The following DDI2 variants were observed in gnomAD, a reference collection of about 807,000 sequenced individuals.
The protein encoded by DDI2 is DDI proteasomal shuttling factor 2.
In DDI2, 5 loss-of-function variants were observed where a neutral mutation model predicts 48.1. That is an observed-to-expected ratio of 0.10 (90% CI 0.05 to 0.22). The LOEUF (loss-of-function observed/expected upper bound fraction) is 0.22, where lower values mean the gene tolerates loss of function less well. Among genes scored for constraint, DDI2 ranks in the 10% least tolerant of loss-of-function variants. The pLI is 1.00. For synonymous variants in DDI2, 205 were observed against 183.6 expected, an observed-to-expected ratio of 1.12 and a Z score of -0.94; for missense variants, 285 against 506.2, an observed-to-expected ratio of 0.56 and a Z score of 4.19.
intron 4 of DDI2, chr1:15,634,242 T>C (rs940017471): frequency 6.5e-6 from 1 of 154,410 alleles, no homozygotes; most frequent in African/African-American, 2.4e-5. Flanking sequence ...ACAGTGACGC[T>C]GTTCCGGCCT....
chr1:15,632,778 G>C (rs1195404875), intron 3 of DDI2, among the ~76,000 whole-genome samples: 2 of 151,974 alleles, frequency 1.3e-5, no homozygotes, highest in Non-Finnish European at 2.9e-5. Flanking sequence ...AGGATAATGA[G>C]AACAATGAGG....
At chr1:15,617,908 G>C in intron 1 of DDI2, 100 bp downstream of exon 1, 1 of 1,378,510 alleles carries the variant, frequency 7.3e-7, no homozygotes, top group Non-Finnish European at 9.5e-7. Flanking sequence ...TGGGGGCTGG[G>C]GGGAGCAAGG....
intron 5 of DDI2, among the ~76,000 whole-genome samples, chr1:15,642,911 CA>C (rs1484642480): frequency 2.0e-5 from 3 of 152,118 alleles, no homozygotes; most frequent in Non-Finnish European, 4.4e-5. Flanking sequence ...ACTAAAAATA[CA>C]AAAAATTAGC....
intron 4 of DDI2, among the ~76,000 whole-genome samples, chr1:15,636,429 T>C (rs1426124319): frequency 2.6e-5 from 4 of 151,972 alleles, no homozygotes; most frequent in Non-Finnish European, 5.9e-5. Flanking sequence ...GTGTGAGGTT[T>C]ATTTTTTGTT....
intron 9 of DDI2, among the ~76,000 whole-genome samples, chr1:15,658,629 C>T (rs753392610): frequency 1.3e-5 from 2 of 151,654 alleles, no homozygotes; most frequent in African/African-American, 2.4e-5. Flanking sequence ...GGGTGTGTGG[C>T]GCATGCATGT....
At chr1:15,649,634 G>A (rs1157185950) in intron 6 of DDI2, 86 bp from the exon 7 acceptor site, 6 of 1,346,798 alleles carry the variant, frequency 4.5e-6, no homozygotes, top group Non-Finnish European at 6.1e-6. Flanking sequence ...TTATGCCATT[G>A]CACTCCAGCC....
Position 15,661,855 on chromosome 1 carries a change from AT to A in DDI2, c.*2073del. On this transcript the variant is annotated 3_prime_UTR_variant, in exon 10 of 10. Coordinates refer to ENST00000480945, the MANE Select transcript of DDI2 (RefSeq NM_032341.5). Reference sequence around the variant, plus strand: ...ACCTGCAAGCAGAATGTTGAGCCAGATTTTTTTTAAAGATTTTTTTCGGCCA... The same window carrying A: ...ACCTGCAAGCAGAATGTTGAGCCAGATTTTTTTAAAGATTTTTTTCGGCCA... 7 of 1,253,534 alleles carry A rather than the reference AT, an allele frequency of 5.6e-6. No homozygotes were observed. Among genetic ancestry groups the A allele is most frequent in the Non-Finnish European group, 6.2e-6 (6 of 968,968 alleles). The allele number at this position is 1,253,534 out of a possible 1,614,324, so 77.7% of individuals were successfully genotyped here.
chr1:15,639,420 C>T (rs1639973823), intron 5 of DDI2, among the ~76,000 whole-genome samples: 1 of 151,994 alleles, frequency 6.6e-6, no homozygotes, highest in Non-Finnish European at 1.5e-5. Flanking sequence ...AAAGTATTTT[C>T]TTTCATTTGT....
intron 8 of DDI2, among the ~76,000 whole-genome samples, chr1:15,655,409 A>G (rs777627590): frequency 1.3e-5 from 2 of 150,380 alleles, no homozygotes; most frequent in African/African-American, 4.9e-5. Flanking sequence ...ACTTGAACCT[A>G]TGGATTTGAG....
rs901363198 is a variant in DDI2, at chr1:15,667,802, A to T, written c.*8012A>T. 1 of 152,222 alleles carries T rather than the reference A, an allele frequency of 6.6e-6. No individual in the cohort carries two copies. The highest frequency in any genetic ancestry group is 6.5e-5 in the Admixed American group (1 of 15,276). 9.4% of individuals were successfully genotyped at this position (152,222 alleles called of 1,614,324 possible). A position where few individuals can be genotyped will look rare whatever the true frequency, so the allele number is the denominator to read the frequency against. ...GGTTTACAGTTAGAAAATGTTCTCA[A>T]AGGTTTATCAGTTATGTATTGATGA... On this transcript the variant is annotated 3_prime_UTR_variant, in exon 10 of 10. Coordinates refer to ENST00000480945, the MANE Select transcript of DDI2 (RefSeq NM_032341.5).
At position 15,643,514 on chromosome 1, in the gene DDI2, T is replaced by G; in HGVS notation, c.761-8T>G. On this transcript the variant is annotated splice_polypyrimidine_tract_variant and splice_region_variant and intron_variant, in intron 5 of 9. Transcript: ENST00000480945. ...TTTTTATTGTCTGATGTTTCTCTACTCCTCCAGGTGCCCAGATGACTATCA... is the reference window on the plus strand; with the variant it reads ...TTTTTATTGTCTGATGTTTCTCTACGCCTCCAGGTGCCCAGATGACTATCA... 6.2e-7 allele frequency: 1 copy of G among 1,609,580 alleles called. No individual in the cohort carries two copies. Among genetic ancestry groups the G allele is most frequent in the Non-Finnish European group, 8.5e-7 (1 of 1,178,444 alleles).
chr1:15,633,246 A>G (rs936200953), intron 3 of DDI2, among the ~76,000 whole-genome samples, 193 bp from the exon 4 acceptor site: 4 of 152,100 alleles, frequency 2.6e-5, no homozygotes, highest in Non-Finnish European at 5.9e-5. Context: ...CTTTCTTTAC[A>G]CTGAATTTAA....
chr1:15,660,445 A>G lies in DDI2; in HGVS notation c.*655A>G, dbSNP rs149411046. On this transcript the variant is annotated 3_prime_UTR_variant, in exon 10 of 10. Coordinates refer to ENST00000480945, the MANE Select transcript of DDI2 (RefSeq NM_032341.5). ...ACATGACCAAGAATATCTTTGTAAC[A>G]TAGGGGACCTTGAGCTTCCTGAAGA... 5.5e-5 allele frequency: 89 copies of G among 1,614,024 alleles called. No individual in the cohort carries two copies. In the African/African-American group the frequency reaches 1.0e-3, roughly 18 times the overall value.
chr1:15,633,422 C>T lies in DDI2; in HGVS notation c.506-17C>T. On this transcript the variant is annotated splice_polypyrimidine_tract_variant and intron_variant, in intron 3 of 9. Coordinates refer to ENST00000480945, the MANE Select transcript of DDI2 (RefSeq NM_032341.5). The stretch of plus-strand genomic sequence containing the variant: ...AAATATAGTGATATTTAAGATTTTT[C>T]TCCCTTATTTTTGTAGAGAAATTTT... 1.2e-6 allele frequency: 2 copies of T among 1,608,280 alleles called. No individual in the cohort carries two copies. Among genetic ancestry groups the T allele is most frequent in the Non-Finnish European group, 1.7e-6 (2 of 1,177,834 alleles).
In DDI2 at chr1:15,617,860, C is replaced by T; in HGVS notation, c.138+52C>T. The T allele has an allele frequency of 4.1e-6, 6 of 1,481,340 alleles. 1 individual carries two copies. Among genetic ancestry groups the T allele is most frequent in the Non-Finnish European group, 5.4e-6 (6 of 1,110,384 alleles). 91.8% of individuals were successfully genotyped at this position (1,481,340 alleles called of 1,614,324 possible). On this transcript the variant is annotated intron_variant, in intron 1 of 9. Transcript: ENST00000480945. ...CCCCGGAGCTAAGCCCTCCCCGCCTCGGGGCCTCACTCCCTCCCTTTGCTA... is the reference window on the plus strand; with the variant it reads ...CCCCGGAGCTAAGCCCTCCCCGCCTTGGGGCCTCACTCCCTCCCTTTGCTA...
At chr1:15,630,285 T>G in intron 2 of DDI2, 40 bp from the exon 3 acceptor site, 2 of 1,597,222 alleles carry the variant, frequency 1.3e-6, no homozygotes, top group Admixed American at 1.7e-5. Context: ...CTTGTTTTTG[T>G]AGAGTAATTT....
At chr1:15,658,076 A>C (rs1245371173) in intron 9 of DDI2, among the ~76,000 whole-genome samples, 1 of 152,118 alleles carries the variant, frequency 6.6e-6, no homozygotes, top group Non-Finnish European at 1.5e-5. Context: ...TGAGCATTTG[A>C]GTTGCATCTG....
intron 1 of DDI2, among the ~76,000 whole-genome samples, chr1:15,618,941 C>T (rs1421728001): frequency 6.6e-6 from 1 of 152,192 alleles, no homozygotes; most frequent in African/African-American, 2.4e-5. Flanking sequence ...ATACTTTGTT[C>T]AGAAGTATGA....
chr1:15,626,104 A>G (rs777809053), intron 1 of DDI2, among the ~76,000 whole-genome samples: 6 of 152,226 alleles, frequency 3.9e-5, no homozygotes, highest in Non-Finnish European at 5.9e-5. Context: ...AATTAAATCT[A>G]AAATTATATC....
Sources: allele counts gnomAD v4.1 joint callset (sites outside exome capture counted in the v4.1 genomes callset), GRCh38; gene constraint gnomAD v4.1.1; transcripts MANE v1.5; gene names NCBI Gene and HGNC (gene_info 2026-07-23, HGNC 2026-07-21).